SPATA9: variants seen among roughly 807,000 people sequenced by gnomAD.
The protein encoded by SPATA9 is spermatogenesis associated 9.
In SPATA9, 27 loss-of-function variants were observed where a neutral mutation model predicts 25.5. That is an observed-to-expected ratio of 1.06 (90% CI 0.78 to 1.46). The LOEUF is 1.46. Ranked by LOEUF, SPATA9 falls within the 40% of genes most tolerant of loss-of-function variation. SPATA9 has a pLI of 0.00. For synonymous variants in SPATA9, 102 were observed against 105.7 expected, an observed-to-expected ratio of 0.97 and a Z score of 0.21; for missense variants, 282 against 297.5, an observed-to-expected ratio of 0.95 and a Z score of 0.38.
intron 4 of SPATA9, among the ~76,000 whole-genome samples, chr5:95,662,024 T>G (rs1024862234): frequency 6.6e-6 from 1 of 152,154 alleles, no homozygotes; most frequent in Non-Finnish European, 1.5e-5. Flanking sequence ...CTCCCAGTTA[T>G]TAAGATATAA....
At chr5:95,660,976 A>G (rs1214906733) in intron 4 of SPATA9, among the ~76,000 whole-genome samples, 1 of 152,150 alleles carries the variant, frequency 6.6e-6, no homozygotes, top group Non-Finnish European at 1.5e-5. Context: ...CTTCTTAGTC[A>G]AACCAGAGTC....
At chr5:95,731,257 C>A in the SPATA9 span, 1 of 1,005,830 alleles carries the variant, frequency 9.9e-7, no homozygotes, top group East Asian at 1.0e-4. Flanking sequence ...GTGCTGCGCC[C>A]GGTCCGCTGA....
At chr5:95,685,935 C>T (rs150976921), upstream of SPATA9, among the ~76,000 whole-genome samples, 1,296 of 152,284 alleles carry the variant, frequency 8.5e-3, 21 homozygotes, top group African/African-American at 0.028. Context: ...CTCCCGGGTT[C>T]AAGCGATTCT....
upstream of SPATA9, among the ~76,000 whole-genome samples, chr5:95,700,074 T>C (rs1392130890): frequency 1.3e-5 from 2 of 151,828 alleles, no homozygotes; most frequent in Non-Finnish European, 2.9e-5. Context: ...CTTATGAAAA[T>C]ATTAACAGGG....
At chr5:95,715,971 T>C in the SPATA9 span, among the ~76,000 whole-genome samples, 1 of 152,214 alleles carries the variant, frequency 6.6e-6, no homozygotes, top group Non-Finnish European at 1.5e-5. Flanking sequence ...CCAATCTTAT[T>C]GTTGTCAAGG....
chr5:95,654,286 A>C, downstream of SPATA9: 2 of 1,609,236 alleles, frequency 1.2e-6, no homozygotes, highest in South Asian at 2.2e-5. Context: ...AAACTATCAA[A>C]ATTTCAGTTT....
chr5:95,695,702 A>C (rs1753999406), intron 1 of SPATA9, among the ~76,000 whole-genome samples: 1 of 152,228 alleles, frequency 6.6e-6, no homozygotes, highest in South Asian at 2.1e-4. Flanking sequence ...TTATCTTATT[A>C]GAAACAAACA....
intron 3 of SPATA9, among the ~76,000 whole-genome samples, 190 bp downstream of exon 3, chr5:95,675,222 A>T (rs1019799568): frequency 6.6e-6 from 1 of 152,206 alleles, no homozygotes; most frequent in Non-Finnish European, 1.5e-5. Context: ...CATATAGTTC[A>T]ATTAAACAAT....
chr5:95,729,364 C>A, the SPATA9 span, among the ~76,000 whole-genome samples: 64 of 152,234 alleles, frequency 4.2e-4, no homozygotes, highest in South Asian at 8.5e-3. Context: ...GCTTGGCTCA[C>A]CTATTGAGTA....
At chr5:95,677,582 CA>C (rs1364172331) in intron 2 of SPATA9, among the ~76,000 whole-genome samples, 1 of 152,128 alleles carries the variant, frequency 6.6e-6, no homozygotes, top group African/African-American at 2.4e-5. Context: ...AATTTCCAAA[CA>C]TCATTGGTGC....
chr5:95,673,948 C>T (rs1031490069), intron 3 of SPATA9, among the ~76,000 whole-genome samples: 1 of 151,942 alleles, frequency 6.6e-6, no homozygotes, highest in African/African-American at 2.4e-5. Flanking sequence ...CCATGTTGGC[C>T]AGGCTGGTCT....
At chr5:95,709,210 C>T in the SPATA9 span, among the ~76,000 whole-genome samples, 1 of 152,154 alleles carries the variant, frequency 6.6e-6, no homozygotes, top group East Asian at 1.9e-4. Context: ...TTGGGATGGG[C>T]TCCTCGAACA....
Position 95,682,641 on chromosome 5 carries a change from A to T in SPATA9, c.62-25T>A, listed in dbSNP as rs1270882631. 4 of 1,588,530 alleles carry T rather than the reference A, an allele frequency of 2.5e-6. No individual in the cohort carries two copies. In the Admixed American group the frequency reaches 7.2e-5, roughly 29 times the overall value. ...ACTAAGACAAAAAGAGGTTAGGAAA[A>T]AGAAAACTTTGAAAACATCCCCTAA... On this transcript the variant is annotated intron_variant, in intron 1 of 4. Coordinates refer to ENST00000274432, the MANE Select transcript of SPATA9 (RefSeq NM_031952.4).
chr5:95,731,496 C>T, the SPATA9 span: 1 of 1,244,724 alleles, frequency 8.0e-7, no homozygotes, highest in Non-Finnish European at 1.0e-6. Flanking sequence ...CGCCCTGGTC[C>T]CCGGCTCGCT....
chr5:95,715,217 G>A, the SPATA9 span, among the ~76,000 whole-genome samples: 1 of 151,776 alleles, frequency 6.6e-6, no homozygotes, highest in African/African-American at 2.4e-5. Flanking sequence ...CCAGCTATTC[G>A]GGAGGCTGAG....
upstream of SPATA9, among the ~76,000 whole-genome samples, chr5:95,683,955 C>T (rs1055543562): frequency 2.0e-5 from 3 of 152,142 alleles, no homozygotes; most frequent in Non-Finnish European, 4.4e-5. Context: ...CATAAAGCCA[C>T]GGCTGCTGAA....
upstream of SPATA9, chr5:95,683,026 G>A (rs570181716): frequency 3.5e-4 from 447 of 1,261,944 alleles, no homozygotes; most frequent in African/African-American, 2.8e-3. Flanking sequence ...ATAGGCTTCC[G>A]AGAACCTGCT....
At chr5:95,698,047 G>C (rs1212116892) in intron 1 of SPATA9, among the ~76,000 whole-genome samples, 1 of 152,054 alleles carries the variant, frequency 6.6e-6, no homozygotes, top group Non-Finnish European at 1.5e-5. Context: ...GTGTACCCTG[G>C]GGTCAATATT....
upstream of SPATA9, among the ~76,000 whole-genome samples, chr5:95,702,586 T>C (rs1308852807): frequency 1.3e-5 from 2 of 152,140 alleles, no homozygotes; most frequent in Admixed American, 6.5e-5. Context: ...TTTATTTAAA[T>C]AGTCAGAGGC....
Sources: gnomAD v4.1 joint callset for allele counts (sites outside exome capture counted in the v4.1 genomes callset) on GRCh38, gnomAD v4.1.1 for gene constraint, MANE v1.5 for transcripts, NCBI Gene and HGNC (gene_info 2026-07-23, HGNC 2026-07-21) for gene names.